CPQ: variants seen among roughly 807,000 people sequenced by gnomAD.
CPQ encodes Ser-Met dipeptidase.
In CPQ, 37 loss-of-function variants were observed where a neutral mutation model predicts 45.7. The ratio of observed to expected loss-of-function variants is 0.81; its 90% CI spans 0.62 to 1.07. The LOEUF is 1.07. Ranked by LOEUF, CPQ falls within the 50% of genes least tolerant of loss-of-function variation. The pLI is 0.00. For synonymous variants in CPQ, 186 were observed against 205.8 expected (o/e 0.90, Z 0.82); for missense variants, 537 against 572.9 (o/e 0.94, Z 0.64).
At chr8:97,111,788 A>G (rs954445076) in intron 7 of CPQ, among the ~76,000 whole-genome samples, 1 of 152,178 alleles carries the variant, frequency 6.6e-6, no homozygotes, top group Non-Finnish European at 1.5e-5. Context: ...TAAATTTGGT[A>G]AATATCTTGA....
Position 96,698,152 on chromosome 8 carries a change from T to A in CPQ, c.-35+52750T>A, listed in dbSNP as rs191102868. ...CAGTATGGCACTGGCATAAAAACAG[T>A]TAGACCAATGGAACAAAATAGAGAA... On this transcript the variant is annotated intron_variant, in intron 1 of 7. Coordinates refer to ENST00000220763, the MANE Select transcript of CPQ (RefSeq NM_016134.4). Among the ~76,000 whole-genome samples, 374 of 145,440 alleles carry A rather than the reference T, an allele frequency of 2.6e-3. 2 individuals carry two copies. Among genetic ancestry groups the A allele is most frequent in the African/African-American group, 9.9e-3 (353 of 35,520 alleles).
At chr8:96,775,412 A>T (rs1461073296) in intron 1 of CPQ, among the ~76,000 whole-genome samples, 1 of 152,188 alleles carries the variant, frequency 6.6e-6, no homozygotes, top group Non-Finnish European at 1.5e-5. Flanking sequence ...GCACTAGAAG[A>T]CATAATGAAG....
At chr8:96,987,786 A>T (rs185642769) in intron 5 of CPQ, among the ~76,000 whole-genome samples, 8 of 152,326 alleles carry the variant, frequency 5.3e-5, no homozygotes, top group Non-Finnish European at 1.0e-4. Flanking sequence ...ATTTAAAGTG[A>T]CAGTTATTTC....
At chr8:96,970,586 C>T (rs1428482050) in intron 5 of CPQ, among the ~76,000 whole-genome samples, 1 of 146,418 alleles carries the variant, frequency 6.8e-6, no homozygotes, top group Non-Finnish European at 1.5e-5. Flanking sequence ...TTTTTTGAGA[C>T]GGAGTCTCGC....
chr8:96,739,645 G>T (rs1810051986), intron 1 of CPQ, among the ~76,000 whole-genome samples: 2 of 142,524 alleles, frequency 1.4e-5, no homozygotes, highest in Admixed American at 7.2e-5. Flanking sequence ...TGTATAAGGT[G>T]TAAGGAAGGG....
At chr8:97,058,300 T>A (rs906772610) in intron 6 of CPQ, among the ~76,000 whole-genome samples, 2 of 152,138 alleles carry the variant, frequency 1.3e-5, no homozygotes, top group Non-Finnish European at 2.9e-5. Context: ...TGTCTACTTA[T>A]GGGTAGATGA....
chr8:96,675,756 G>T lies in CPQ; in HGVS notation c.-35+30354G>T, dbSNP rs548960644. ...GGGGAACAGCACTCTGTTTTAGTTT[G>T]TGTTTTTATCATGAGTAATGTTGAG... On this transcript the variant is annotated intron_variant, in intron 1 of 7. Transcript: ENST00000220763. Among the ~76,000 whole-genome samples the T allele has an allele frequency of 4.5e-4, 68 of 151,952 alleles. 1 individual carries two copies. Among genetic ancestry groups the T allele is most frequent in the African/African-American group, 1.6e-3 (66 of 41,494 alleles).
chr8:97,019,574 T>A (rs1563556012), intron 5 of CPQ, among the ~76,000 whole-genome samples: 1 of 152,182 alleles, frequency 6.6e-6, no homozygotes, highest in Non-Finnish European at 1.5e-5. Context: ...CAGGAGTAGC[T>A]ATTCTTTTAT....
At chr8:97,096,887 T>C (rs1463942322) in intron 7 of CPQ, among the ~76,000 whole-genome samples, 3 of 152,200 alleles carry the variant, frequency 2.0e-5, no homozygotes, top group Non-Finnish European at 4.4e-5. Context: ...CGCCCAGAAT[T>C]CAGTCTATTT....
chr8:96,654,339 A>G (rs1206617409), intron 1 of CPQ, among the ~76,000 whole-genome samples: 2 of 152,192 alleles, frequency 1.3e-5, no homozygotes, highest in Admixed American at 1.3e-4. Flanking sequence ...CATACACAAC[A>G]GCTGGGCACA....
chr8:97,115,864 T>C (rs1563584635), intron 7 of CPQ, among the ~76,000 whole-genome samples: 1 of 152,066 alleles, frequency 6.6e-6, no homozygotes, highest in African/African-American at 2.4e-5. Context: ...ATCAGGTGTA[T>C]TGAAAAAATG....
At chr8:96,826,048 C>T (rs181751718) in intron 2 of CPQ, among the ~76,000 whole-genome samples, 61 of 152,110 alleles carry the variant, frequency 4.0e-4, no homozygotes, top group African/African-American at 1.4e-3. Flanking sequence ...AACATGGCTG[C>T]TTGTTTTATT....
At chr8:96,658,189 T>C (rs372528998) in intron 1 of CPQ, among the ~76,000 whole-genome samples, 1 of 152,184 alleles carries the variant, frequency 6.6e-6, no homozygotes, top group East Asian at 1.9e-4. Context: ...ACTAAGTTCT[T>C]TGAGAAGCAG....
At chr8:96,954,955 C>G (rs1038404977) in intron 4 of CPQ, among the ~76,000 whole-genome samples, 3 of 152,140 alleles carry the variant, frequency 2.0e-5, no homozygotes, top group African/African-American at 7.2e-5. Context: ...GCATAGTATT[C>G]CATGATGTAT....
chr8:96,993,123 G>A (rs1258262832), intron 5 of CPQ, among the ~76,000 whole-genome samples: 3 of 152,164 alleles, frequency 2.0e-5, no homozygotes, highest in Non-Finnish European at 2.9e-5. Context: ...AAAGGATGAA[G>A]GTCTAGCGTA....
chr8:96,973,459 A>G (rs1298204505), intron 5 of CPQ, among the ~76,000 whole-genome samples: 1 of 152,228 alleles, frequency 6.6e-6, no homozygotes, highest in Non-Finnish European at 1.5e-5. Context: ...AGAATCATCA[A>G]GGAAAACTTC....
chr8:96,868,605 AT>A (rs1463400527), intron 3 of CPQ, among the ~76,000 whole-genome samples: 2 of 152,038 alleles, frequency 1.3e-5, no homozygotes, highest in East Asian at 1.9e-4. Flanking sequence ...GTAAAGACTG[AT>A]TTTTTTTAAA....
intron 1 of CPQ, among the ~76,000 whole-genome samples, chr8:96,747,506 G>T (rs1207266437): frequency 6.6e-6 from 1 of 152,136 alleles, no homozygotes; most frequent in Non-Finnish European, 1.5e-5. Context: ...TCATCCATGT[G>T]ACTCTATAGA....
At position 96,931,014 on chromosome 8, in the gene CPQ, T is replaced by C. The variant is rs934947799; in HGVS notation, c.850-34921T>C. On this transcript the variant is annotated intron_variant, in intron 4 of 7. Coordinates refer to ENST00000220763, the MANE Select transcript of CPQ (RefSeq NM_016134.4). Reference sequence around the variant, plus strand: ...GTTGGGAGGAAACTCAAGAGTGTTCTTCCCCTGTCTTCTGTCAATGACTAC... The same window carrying C: ...GTTGGGAGGAAACTCAAGAGTGTTCCTCCCCTGTCTTCTGTCAATGACTAC... Among the ~76,000 whole-genome samples, 3 of 152,194 alleles carry C rather than the reference T, an allele frequency of 2.0e-5. No homozygotes were observed. In the South Asian group the frequency reaches 6.2e-4, roughly 32 times the overall value.
Sources: allele counts gnomAD v4.1 joint callset (sites outside exome capture counted in the v4.1 genomes callset), GRCh38; gene constraint gnomAD v4.1.1; transcripts MANE v1.5; gene names NCBI Gene and HGNC (gene_info 2026-07-23, HGNC 2026-07-21).